NDEL1: variants seen among roughly 807,000 people sequenced by gnomAD.
The protein encoded by NDEL1 is nuclear distribution protein nudE-like 1.
A neutral mutation model predicts 45.7 loss-of-function variants in NDEL1; 9 were observed. That is an observed-to-expected ratio of 0.20 (90% CI 0.12 to 0.34). The LOEUF (loss-of-function observed/expected upper bound fraction) is 0.34. NDEL1 is among the 10% of genes least tolerant of loss of function. The pLI is 1.00. For missense variants in NDEL1, 306 were observed against 406.2 expected (o/e 0.75, Z 2.12); for synonymous variants, 133 against 158.6 (o/e 0.84, Z 1.21).
At position 8,450,804 on chromosome 17, in the gene NDEL1, G is replaced by A; in HGVS notation, c.551G>A (p.Arg184Gln). 6.2e-7 allele frequency: 1 copy of A among 1,610,374 alleles called. No homozygotes were observed. Among genetic ancestry groups the A allele is most frequent in the Middle Eastern group, 1.7e-4 (1 of 6,056 alleles). Residue 184 changes from arginine (R) to glutamine (Q), a missense_variant, in exon 6 of 9, where the codon CGG becomes CAG. Arg to Gln is a conservative substitution (Grantham distance 43). Coordinates refer to ENST00000334527, the MANE Select transcript of NDEL1 (RefSeq NM_030808.5). Reference sequence around the variant, plus strand: ...GATTTAAGGCAAGAACTAGCAGTTCGGGAAAGACAACAGGAAGTAACTAGA... The same window carrying A: ...GATTTAAGGCAAGAACTAGCAGTTCAGGAAAGACAACAGGAAGTAACTAGA... ...ARDLRQELAV[R>Q]ERQQEVTRKS... is the part of the protein sequence containing the mutation.
chr17:8,430,786 CG>C (rs1908981524), intron 1 of NDEL1, among the ~76,000 whole-genome samples: 1 of 152,172 alleles, frequency 6.6e-6, no homozygotes, highest in Non-Finnish European at 1.5e-5. Context: ...TGTTCCCTTT[CG>C]GGGCTGATTT....
intron 8 of NDEL1, chr17:8,463,183 G>A: frequency 1.7e-6 from 1 of 602,742 alleles, no homozygotes; most frequent in Non-Finnish European, 2.9e-6. Context: ...TAGTTTCTTA[G>A]GTAACATGTG....
intron 8 of NDEL1, chr17:8,463,485 A>G (rs553691739): frequency 7.9e-6 from 6 of 759,738 alleles, no homozygotes; most frequent in Non-Finnish European, 8.8e-6. Context: ...ACAGCCCATC[A>G]GTGAACTTTC....
At position 8,457,869 on chromosome 17, in the gene NDEL1, T is replaced by G. The variant is rs546508211; in HGVS notation, c.793-2140T>G. Among the ~76,000 whole-genome samples the G allele has an allele frequency of 1.9e-4, 29 of 152,364 alleles. No individual in the cohort carries two copies. In the East Asian group the frequency reaches 5.6e-3, roughly 29 times the overall value. ...ATGCGTTAATATTTATGTATAATGT[T>G]TATGTATTACACATTATATGTTATG... On this transcript the variant is annotated intron_variant, in intron 7 of 8. Coordinates refer to ENST00000334527, the MANE Select transcript of NDEL1 (RefSeq NM_030808.5).
intron 8 of NDEL1, among the ~76,000 whole-genome samples, chr17:8,460,777 C>A (rs889731394): frequency 6.6e-6 from 1 of 152,148 alleles, no homozygotes; most frequent in Non-Finnish European, 1.5e-5. Flanking sequence ...TACAGTTATT[C>A]CAAGGCATGC....
downstream of NDEL1, among the ~76,000 whole-genome samples, chr17:8,469,406 C>G (rs1051415482): frequency 6.6e-6 from 1 of 152,158 alleles, no homozygotes; most frequent in Non-Finnish European, 1.5e-5. Flanking sequence ...AATGATTTCT[C>G]ACTTCCTTTG....
rs903923512 is a variant in NDEL1 at position 8,426,309 on chromosome 17, G to A, written c.-13+13040G>A. Among the ~76,000 whole-genome samples the A allele has an allele frequency of 3.3e-5, 5 of 152,136 alleles. 1 individual carries two copies. Among genetic ancestry groups the A allele is most frequent in the South Asian group, 4.1e-4 (2 of 4,832 alleles). On this transcript the variant is annotated intron_variant, in intron 1 of 4. Transcript: ENST00000582812. The stretch of plus-strand genomic sequence containing the variant: ...ATTGGCTTACCTGGTAATGGGAATC[G>A]GGCTAAAATTGCTTAATAAGCTTAG...
intron 8 of NDEL1, among the ~76,000 whole-genome samples, chr17:8,460,854 A>G (rs1463620902): frequency 1.3e-5 from 2 of 152,176 alleles, no homozygotes; most frequent in Admixed American, 6.5e-5. Flanking sequence ...TACTTTAAAT[A>G]TTGCTTTGCA....
chr17:8,457,932 G>A (rs770901078), intron 7 of NDEL1, among the ~76,000 whole-genome samples: 81 of 152,240 alleles, frequency 5.3e-4, no homozygotes, highest in Non-Finnish European at 1.0e-3. Context: ...TGTATTACAT[G>A]TTATCCATAT....
rs1157561137 is a variant in NDEL1, at chr17:8,467,100, G to A, written c.*77G>A. The A allele has an allele frequency of 1.4e-6, 2 of 1,459,208 alleles. No individual in the cohort carries two copies. Among genetic ancestry groups the A allele is most frequent in the Non-Finnish European group, 1.9e-6 (2 of 1,050,964 alleles). 90.4% of individuals were successfully genotyped at this position (1,459,208 alleles called of 1,614,324 possible). On this transcript the variant is annotated 3_prime_UTR_variant, in exon 9 of 9. Transcript: ENST00000334527. The surrounding 1 kb of genome is among the most constrained non-coding windows in gnomAD (Gnocchi z 6.3). ...CCCACGCCTCACCCCTCGGTGCCTG[G>A]GCCCAGCCCCGTGCCCCTCCGTCTG... is the stretch of plus-strand genomic sequence containing the variant.
intron 6 of NDEL1, among the ~76,000 whole-genome samples, chr17:8,452,522 T>C (rs911936384): frequency 2.6e-5 from 4 of 152,164 alleles, no homozygotes; most frequent in Non-Finnish European, 4.4e-5. Flanking sequence ...TAAAAGCTGC[T>C]GTGTACTAGA....
intron 1 of NDEL1, among the ~76,000 whole-genome samples, chr17:8,418,837 T>C (rs1036208758): frequency 3.4e-5 from 5 of 148,772 alleles, no homozygotes; most frequent in South Asian, 2.2e-4. Context: ...CTCTCTCTCT[T>C]TCTCTTTCTC....
rs1911651645 is a variant in NDEL1, at chr17:8,467,141, C to T, written c.*118C>T. The T allele has an allele frequency of 1.0e-6, 1 of 999,840 alleles. No homozygotes were observed. The highest frequency in any genetic ancestry group is 2.1e-5 in the Admixed American group (1 of 48,548). The allele number at this position is 999,840 out of a possible 1,614,324, so 61.9% of individuals were successfully genotyped here. On this transcript the variant is annotated 3_prime_UTR_variant, in exon 9 of 9. Transcript: ENST00000334527. This position sits in a 1 kb window ranked among gnomAD's most constrained non-coding sequence, Gnocchi z 6.3. Reference sequence around the variant, plus strand: ...CCTCCGTCTGCCTCCGCACGGCTGGCAGAGGGCAGGCTGCATGCAGTGGCG... The same window carrying T: ...CCTCCGTCTGCCTCCGCACGGCTGGTAGAGGGCAGGCTGCATGCAGTGGCG...
At chr17:8,470,614 A>T (rs951969317), downstream of NDEL1, among the ~76,000 whole-genome samples, 4 of 152,206 alleles carry the variant, frequency 2.6e-5, no homozygotes, top group Non-Finnish European at 5.9e-5. This position sits in a 1 kb window ranked among gnomAD's most constrained non-coding sequence, Gnocchi z 4.2. Flanking sequence ...GGTGGCAGAA[A>T]GGACAATGGG....
At chr17:8,415,151 T>C (rs1328417248) in intron 1 of NDEL1, among the ~76,000 whole-genome samples, 1 of 143,776 alleles carries the variant, frequency 7.0e-6, no homozygotes, top group Middle Eastern at 3.5e-3. Flanking sequence ...TTTCTGTCTC[T>C]CTGTCTCCCT....
At chr17:8,413,531 GA>G (rs1908472670) in intron 1 of NDEL1, among the ~76,000 whole-genome samples, 1 of 152,184 alleles carries the variant, frequency 6.6e-6, no homozygotes, top group Non-Finnish European at 1.5e-5. Flanking sequence ...TGATCACCTT[GA>G]TTTGGTTTCC....
At chr17:8,448,106 G>A (rs1228730797) in intron 4 of NDEL1, among the ~76,000 whole-genome samples, 1 of 152,206 alleles carries the variant, frequency 6.6e-6, no homozygotes, top group Non-Finnish European at 1.5e-5. Flanking sequence ...TCTTACTTAG[G>A]TGTGGAAAGT....
rs1203278061 is a variant in NDEL1 at position 8,435,954 on chromosome 17, G to A, written c.-104G>A. On this transcript the variant is annotated 5_prime_UTR_variant, in exon 1 of 9. Transcript: ENST00000334527. Reference sequence around the variant, plus strand: ...GTGGAGCTCGGGGCTGCGTAGGGGAGCTGAGCCGAGCGGCTGGGCGGGCCT... The same window carrying A: ...GTGGAGCTCGGGGCTGCGTAGGGGAACTGAGCCGAGCGGCTGGGCGGGCCT... The A allele has an allele frequency of 6.7e-6, 3 of 448,706 alleles. No homozygotes were observed. The highest frequency in any genetic ancestry group is 1.3e-5 in the Non-Finnish European group (3 of 223,918). The allele number at this position is 448,706 out of a possible 1,614,324, so 27.8% of individuals were successfully genotyped here.
At chr17:8,425,955 C>A (rs533769873) in intron 1 of NDEL1, among the ~76,000 whole-genome samples, 1 of 152,168 alleles carries the variant, frequency 6.6e-6, no homozygotes, top group South Asian at 2.1e-4. Context: ...CCTTGCCCAG[C>A]TAATTTTTAA....
Sources: allele counts gnomAD v4.1 joint callset (sites outside exome capture counted in the v4.1 genomes callset), GRCh38; gene constraint gnomAD v4.1.1; non-coding constraint Gnocchi (gnomAD v3.1); transcripts MANE v1.5; gene names NCBI Gene and HGNC (gene_info 2026-07-23, HGNC 2026-07-21).